Variants in SUSD1 observed in about 807,000 individuals in gnomAD.
SUSD1 encodes sushi domain-containing protein 1.
Under a neutral mutation model 86.9 loss-of-function variants are expected in SUSD1, and 65 were observed. That is an observed-to-expected ratio of 0.75 (90% confidence interval 0.61 to 0.92). SUSD1 has a LOEUF of 0.92. Ranked by LOEUF, SUSD1 falls within the 40% of genes least tolerant of loss-of-function variation. The pLI is 0.00. For synonymous variants in SUSD1, 346 were observed against 350.0 expected (o/e 0.99, Z 0.13); for missense variants, 850 against 929.7 (o/e 0.91, Z 1.11).
intron 12 of SUSD1, among the ~76,000 whole-genome samples, chr9:112,069,204 C>T (rs10981247): frequency 0.077 from 11,679 of 151,966 alleles, 804 homozygotes; most frequent in African/African-American, 0.18. Context: ...TAAGAGAACT[C>T]TGTGGCCTTT....
rs375456214 is a variant in SUSD1 at position 112,149,437 on chromosome 9, A to G, written c.218-38T>C. On this transcript the variant is annotated intron_variant, in intron 2 of 16. Coordinates refer to ENST00000374270, the MANE Select transcript of SUSD1 (RefSeq NM_022486.5). ...AGACAAGGCACCGGAAGAGCTATCA[A>G]TCCACACCGACTTCAACAGCCCAGA... 5.0e-6 allele frequency: 8 copies of G among 1,605,010 alleles called. No individual in the cohort carries two copies. In the African/African-American group the frequency reaches 1.1e-4, roughly 21 times the overall value.
At chr9:112,129,151 G>T (rs1831908731) in intron 5 of SUSD1, among the ~76,000 whole-genome samples, 1 of 152,168 alleles carries the variant, frequency 6.6e-6, no homozygotes, top group South Asian at 2.1e-4. Context: ...GGATGGAAAT[G>T]GAAGGAAGAG....
At chr9:112,145,587 C>A (rs1419499726) in intron 3 of SUSD1, among the ~76,000 whole-genome samples, 1 of 152,146 alleles carries the variant, frequency 6.6e-6, no homozygotes, top group African/African-American at 2.4e-5. Context: ...GCTATAATTT[C>A]TTTTTCTTAA....
At chr9:112,100,857 GACACAC>G (rs5899985) in intron 9 of SUSD1, among the ~76,000 whole-genome samples, 24 of 140,486 alleles carry the variant, frequency 1.7e-4, no homozygotes, top group South Asian at 4.7e-4. Context: ...ATTGTACCTG[GACACAC>G]ACACACACAC....
At chr9:112,059,153 T>C (rs1483971807) in intron 13 of SUSD1, among the ~76,000 whole-genome samples, 1 of 152,122 alleles carries the variant, frequency 6.6e-6, no homozygotes, top group Admixed American at 6.5e-5. Flanking sequence ...TCCGGGCCCA[T>C]GTGGGATTTA....
At chr9:112,106,337 C>A (rs986957828) in intron 8 of SUSD1, among the ~76,000 whole-genome samples, 1 of 151,994 alleles carries the variant, frequency 6.6e-6, no homozygotes, top group Non-Finnish European at 1.5e-5. Flanking sequence ...CAGTTCCCAA[C>A]GTCAATAAGA....
intron 5 of SUSD1, among the ~76,000 whole-genome samples, chr9:112,131,341 G>GC (rs1294795983): frequency 6.6e-6 from 1 of 152,180 alleles, no homozygotes; most frequent in African/African-American, 2.4e-5. Context: ...CGATGACAAC[G>GC]CCTCCTGCCC....
intron 1 of SUSD1, among the ~76,000 whole-genome samples, chr9:112,159,952 G>T (rs1353006602): frequency 6.6e-6 from 1 of 151,682 alleles, no homozygotes; most frequent in African/African-American, 2.4e-5. Context: ...CAGCAGCATG[G>T]TTAGCATGTT....
At chr9:112,125,749 C>G (rs1831747049) in intron 5 of SUSD1, among the ~76,000 whole-genome samples, 1 of 152,204 alleles carries the variant, frequency 6.6e-6, no homozygotes, top group African/African-American at 2.4e-5. Context: ...GTTTCCATAT[C>G]CCCATCAGCC....
intron 11 of SUSD1, among the ~76,000 whole-genome samples, chr9:112,079,550 C>T (rs981336228): frequency 8.6e-5 from 13 of 151,920 alleles, no homozygotes; most frequent in African/African-American, 3.1e-4. Flanking sequence ...AAGAGACACC[C>T]TTTTGTTCTT....
At chr9:112,132,647 C>T (rs1025253693) in intron 5 of SUSD1, among the ~76,000 whole-genome samples, 19 of 152,216 alleles carry the variant, frequency 1.2e-4, no homozygotes, top group East Asian at 1.9e-4. Context: ...GATACGTATA[C>T]TTACTTCATT....
At chr9:112,129,779 C>T (rs1181561704) in intron 5 of SUSD1, among the ~76,000 whole-genome samples, 1 of 152,210 alleles carries the variant, frequency 6.6e-6, no homozygotes, top group African/African-American at 2.4e-5. Context: ...ACAAGGTCCG[C>T]TTAAAATCGT....
At chr9:112,050,866 C>G (rs913954937) in intron 15 of SUSD1, among the ~76,000 whole-genome samples, 3 of 152,164 alleles carry the variant, frequency 2.0e-5, no homozygotes, top group Non-Finnish European at 4.4e-5. Context: ...TTGCTCAAAC[C>G]CTAAGGCAAT....
chr9:112,141,689 T>C (rs1295844020), intron 5 of SUSD1, among the ~76,000 whole-genome samples: 1 of 146,748 alleles, frequency 6.8e-6, no homozygotes, highest in Non-Finnish European at 1.5e-5. Context: ...AAACTATATA[T>C]ATATATAAAA....
At chr9:112,173,498 C>A in intron 1 of SUSD1, 1 of 217,032 alleles carries the variant, frequency 4.6e-6, no homozygotes, top group South Asian at 6.8e-5. Flanking sequence ...ATCCTTCTGT[C>A]CTCACGTTGG....
intron 5 of SUSD1, among the ~76,000 whole-genome samples, chr9:112,130,384 A>AAGGGGAGGGGAAGGGAGGGAACGGG (rs2131708272): frequency 7.0e-6 from 1 of 142,232 alleles, no homozygotes; most frequent in South Asian, 2.5e-4. Context: ...AAAATAAAAG[A>AAGGGGAGGGGAAGGGAGGGAACGGG]AGGGGAGGGG....
intron 15 of SUSD1, among the ~76,000 whole-genome samples, chr9:112,046,306 G>A (rs1024099107): frequency 1.3e-5 from 2 of 152,068 alleles, no homozygotes; most frequent in South Asian, 2.1e-4. Context: ...ACCTTTCCAT[G>A]GTCTCATGCC....
At chr9:112,145,001 G>C (rs990910267) in intron 3 of SUSD1, among the ~76,000 whole-genome samples, 1 of 152,138 alleles carries the variant, frequency 6.6e-6, no homozygotes, top group Non-Finnish European at 1.5e-5. Flanking sequence ...AGTTGCTCAA[G>C]AGGCTGAGGC....
intron 7 of SUSD1, 75 bp downstream of exon 7, chr9:112,112,696 A>G (rs1831154855): frequency 4.2e-6 from 4 of 960,360 alleles, no homozygotes; most frequent in Admixed American, 2.0e-5. Flanking sequence ...CTCTCACGGA[A>G]GCAAGTCCCT....
Sources: gnomAD v4.1 joint callset for allele counts (sites outside exome capture counted in the v4.1 genomes callset) on GRCh38, gnomAD v4.1.1 for gene constraint, MANE v1.5 for transcripts, NCBI Gene and HGNC (gene_info 2026-07-23, HGNC 2026-07-21) for gene names.